PAM: variants seen among roughly 807,000 people sequenced by gnomAD.
PAM encodes the protein peptidyl-glycine alpha-amidating monooxygenase.
Under a neutral mutation model 122.1 loss-of-function variants are expected in PAM, and 72 were observed. That is an observed-to-expected ratio of 0.59 (90% CI 0.49 to 0.72). The LOEUF is 0.72. PAM is among the 30% of genes least tolerant of loss of function. The pLI is 0.00. For missense variants in PAM, 1,106 were observed against 1,183.7 expected (o/e 0.93, Z 0.96); for synonymous variants, 389 against 404.4 (o/e 0.96, Z 0.46).
At chr5:102,993,033 G>C (rs1049528269) in intron 16 of PAM, among the ~76,000 whole-genome samples, 7 of 152,022 alleles carry the variant, frequency 4.6e-5, no homozygotes, top group African/African-American at 1.7e-4. Flanking sequence ...TGGTAACCCT[G>C]ATCAGCCCTT....
chr5:102,960,785 G>A (rs970899390), intron 13 of PAM, among the ~76,000 whole-genome samples: 1 of 151,624 alleles, frequency 6.6e-6, no homozygotes, highest in Non-Finnish European at 1.5e-5. Context: ...CATTTATTAA[G>A]ATTCTACTAT....
intron 1 of PAM, among the ~76,000 whole-genome samples, chr5:102,795,993 A>G (rs1481253373): frequency 6.6e-6 from 1 of 152,114 alleles, no homozygotes; most frequent in Non-Finnish European, 1.5e-5. Context: ...GAGGCCTGTG[A>G]TATTTTGTTT....
intron 1 of PAM, among the ~76,000 whole-genome samples, chr5:102,793,761 G>A (rs544137421): frequency 7.2e-5 from 11 of 152,184 alleles, no homozygotes; most frequent in Admixed American, 3.9e-4. Flanking sequence ...AGTAATTATA[G>A]CAAGTATTTT....
intron 4 of PAM, among the ~76,000 whole-genome samples, chr5:102,904,573 A>G (rs1238655523): frequency 2.3e-4 from 35 of 151,752 alleles, no homozygotes; most frequent in Non-Finnish European, 1.2e-4. Flanking sequence ...TGAATTCAGC[A>G]AACTTAAAAT....
At chr5:102,910,858 C>G (rs1801193255) in intron 4 of PAM, among the ~76,000 whole-genome samples, 1 of 151,690 alleles carries the variant, frequency 6.6e-6, no homozygotes, top group African/African-American at 2.4e-5. Context: ...AGTATTTTTC[C>G]ATATTCTGTA....
In PAM at chr5:102,866,474, T is replaced by G; in HGVS notation, c.89+190T>G. The G allele has an allele frequency of 2.1e-5, 12 of 574,186 alleles. 2 individuals carry two copies. In the South Asian group the frequency reaches 2.6e-4, roughly 12 times the overall value. 35.6% of individuals were successfully genotyped at this position (574,186 alleles called of 1,614,324 possible). ...CCACTGCATTGTAGCCAAGCAGTTC[T>G]GGCTTTCAAAACTCCAATTAGAAGT... On this transcript the variant is annotated intron_variant, in intron 2 of 25. Coordinates refer to ENST00000438793, the MANE Select transcript of PAM (RefSeq NM_001177306.2).
At position 102,845,027 on chromosome 5, in the gene PAM, A is replaced by G. The variant is rs947861332; in HGVS notation, c.-373-20796A>G. Among the ~76,000 whole-genome samples the G allele has an allele frequency of 6.6e-5, 10 of 152,246 alleles. 1 individual carries two copies. The highest frequency in any genetic ancestry group is 3.3e-4 in the Admixed American group (5 of 15,288). On this transcript the variant is annotated intron_variant, in intron 1 of 25. Coordinates refer to ENST00000438793, the MANE Select transcript of PAM (RefSeq NM_001177306.2). Reference sequence around the variant, plus strand: ...CTGGCAGTGCTTCTCAAACATCACAAGATCACCTGGGAATCTTGATAAAAT... The same window carrying G: ...CTGGCAGTGCTTCTCAAACATCACAGGATCACCTGGGAATCTTGATAAAAT...
At chr5:102,981,338 C>T (rs6596529) in intron 15 of PAM, among the ~76,000 whole-genome samples, 52,588 of 152,104 alleles carry the variant, frequency 0.35, 9,409 homozygotes, top group East Asian at 0.43. Flanking sequence ...ACCTAGTTGG[C>T]AGGCCACTGA....
intron 1 of PAM, among the ~76,000 whole-genome samples, chr5:102,828,347 CA>C (rs5870034): frequency 0.63 from 91,794 of 145,440 alleles, 28,490 homozygotes; most frequent in South Asian, 0.78. Flanking sequence ...GACTCTGTCT[CA>C]AAAAAAAAAA....
intron 7 of PAM, among the ~76,000 whole-genome samples, chr5:102,937,316 G>C (rs1753587670): frequency 6.6e-6 from 1 of 151,958 alleles, no homozygotes; most frequent in African/African-American, 2.4e-5. Context: ...TTTTAAAGTG[G>C]AATATATGTG....
Position 102,990,319 on chromosome 5 carries a change from C to T in PAM, c.1531C>T (p.Pro511Ser). ...GGATTGGCCTGGAGTATACTTGTTACCAGGCCAGGTTTCTGGGGTGGCTCT... is the reference window on the plus strand; with the variant it reads ...GGATTGGCCTGGAGTATACTTGTTATCAGGCCAGGTTTCTGGGGTGGCTCT... Reference protein sequence around the residue: ...ALDWPGVYLLPGQVSGVALDP... With the variant: ...ALDWPGVYLLSGQVSGVALDP... Residue 511 changes from proline to serine, a missense_variant, in exon 16 of 26, where the codon CCA becomes TCA. By Grantham distance (74) the Pro-to-Ser change is moderately conservative. Transcript: ENST00000438793. 6.2e-7 allele frequency: 1 copy of T among 1,607,786 alleles called. No individual in the cohort carries two copies. The highest frequency in any genetic ancestry group is 8.5e-7 in the Non-Finnish European group (1 of 1,175,676).
chr5:103,005,103 AT>A, intron 17 of PAM, 50 bp from the exon 18 acceptor site: 1 of 1,050,752 alleles, frequency 9.5e-7, no homozygotes, highest in Non-Finnish European at 1.5e-6. Flanking sequence ...TTTCTGTCAC[AT>A]ATGCCTTGAG....
intron 7 of PAM, among the ~76,000 whole-genome samples, chr5:102,937,954 T>G (rs187554531): frequency 6.6e-6 from 1 of 152,184 alleles, no homozygotes; most frequent in Non-Finnish European, 1.5e-5. Flanking sequence ...TTCATTTTCA[T>G]GTCTGAAGTA....
chr5:102,859,775 T>C lies in PAM; in HGVS notation c.-373-6048T>C, dbSNP rs57283008. Among the ~76,000 whole-genome samples the C allele has an allele frequency of 7.6e-3, 1,154 of 152,258 alleles. 16 individuals carry two copies. The highest frequency in any genetic ancestry group is 0.027 in the African/African-American group (1,102 of 41,534). On this transcript the variant is annotated intron_variant, in intron 1 of 25. Transcript: ENST00000438793. Reference sequence around the variant, plus strand: ...TAAGTGCCGTATACAAATGTACCATTTCTTATCTTATATACAGTATTTTTA... The same window carrying C: ...TAAGTGCCGTATACAAATGTACCATCTCTTATCTTATATACAGTATTTTTA...
chr5:102,872,611 C>G (rs1787898966), intron 3 of PAM, among the ~76,000 whole-genome samples: 1 of 152,272 alleles, frequency 6.6e-6, no homozygotes, highest in Non-Finnish European at 1.5e-5. Flanking sequence ...TGTAAGGAAT[C>G]AGTTTTAAAA....
chr5:102,771,762 C>T (rs459202), intron 1 of PAM, among the ~76,000 whole-genome samples: 65,301 of 151,990 alleles, frequency 0.43, 14,290 homozygotes, highest in African/African-American at 0.51. Flanking sequence ...GAGAGAAGTC[C>T]AGTGCCAAGT....
chr5:102,811,726 A>G (rs1343969613), intron 1 of PAM, among the ~76,000 whole-genome samples: 1 of 152,228 alleles, frequency 6.6e-6, no homozygotes, highest in East Asian at 1.9e-4. Context: ...TGAAAATCAT[A>G]AATTAAACTA....
At chr5:102,932,225 G>T (rs566068638) in intron 7 of PAM, among the ~76,000 whole-genome samples, 1 of 152,294 alleles carries the variant, frequency 6.6e-6, no homozygotes, top group Admixed American at 6.5e-5. Flanking sequence ...CCTGGGCACA[G>T]TGGCTCACGC....
intron 1 of PAM, among the ~76,000 whole-genome samples, chr5:102,809,242 G>A (rs2150171726): frequency 6.6e-6 from 1 of 151,704 alleles, no homozygotes; most frequent in Non-Finnish European, 1.5e-5. Flanking sequence ...ACTTGGCCAG[G>A]CACAGTGGCT....
Sources: gnomAD v4.1 joint callset for allele counts (sites outside exome capture counted in the v4.1 genomes callset) on GRCh38, gnomAD v4.1.1 for gene constraint, MANE v1.5 for transcripts, NCBI Gene and HGNC (gene_info 2026-07-23, HGNC 2026-07-21) for gene names.